Variants in PPP2R2C observed in about 807,000 individuals in gnomAD.
The protein encoded by PPP2R2C is protein phosphatase 2, regulatory subunit B, gamma.
A neutral mutation model predicts 45.3 loss-of-function variants in PPP2R2C; 10 were observed. The observed-to-expected ratio is 0.22, with a 90% CI of 0.14 to 0.37. The LOEUF (loss-of-function observed/expected upper bound fraction) is 0.37. Ranked by LOEUF, PPP2R2C falls within the 10% of genes least tolerant of loss-of-function variation. PPP2R2C has a pLI of 1.00. For synonymous variants in PPP2R2C, 257 were observed against 245.4 expected (o/e 1.05, Z -0.44); for missense variants, 308 against 619.7 (o/e 0.50, Z 5.34).
At chr4:6,336,729 T>TTCCC (rs1560453611) in intron 6 of PPP2R2C, among the ~76,000 whole-genome samples, 1 of 2,322 alleles carries the variant, frequency 4.3e-4, no homozygotes, top group African/African-American at 2.8e-3. Flanking sequence ...CCCTCCCTCC[T>TTCCC]TCCCTCCCTC....
In PPP2R2C at chr4:6,368,964, T is replaced by C. The variant is rs1255914630; in HGVS notation, c.625+3559A>G. Among the ~76,000 whole-genome samples the C allele has an allele frequency of 6.6e-6, 1 of 152,132 alleles. No individual in the cohort carries two copies. The highest frequency in any genetic ancestry group is 1.5e-5 in the Non-Finnish European group (1 of 68,026). On this transcript the variant is annotated intron_variant, in intron 5 of 8. Coordinates refer to ENST00000382599, the MANE Select transcript of PPP2R2C (RefSeq NM_020416.4). This position sits in a 1 kb window ranked among gnomAD's most constrained non-coding sequence, Gnocchi z 4.2. The stretch of plus-strand genomic sequence containing the variant: ...GTCGGCACAGCCTCCAGTAATGTAA[T>C]ATAGATGCAGACGGGGAGACAGGAT...
At chr4:6,496,417 A>G (rs1209761646) in intron 2 of PPP2R2C, among the ~76,000 whole-genome samples, 1 of 152,184 alleles carries the variant, frequency 6.6e-6, no homozygotes, top group East Asian at 1.9e-4. Context: ...CTTTGCTTGG[A>G]CACCCATCCT....
intron 2 of PPP2R2C, among the ~76,000 whole-genome samples, chr4:6,532,998 G>T (rs758924386): frequency 1.3e-4 from 20 of 152,224 alleles, no homozygotes; most frequent in Non-Finnish European, 2.6e-4. Flanking sequence ...TGAAGCCCAC[G>T]CTCTGCCCTC....
Position 6,349,383 on chromosome 4 carries a change from T to C in PPP2R2C, c.626-1373A>G, listed in dbSNP as rs79938852. The C allele has an allele frequency of 1.5e-3, 1,471 of 971,254 alleles. 12 individuals are homozygous for C. In the African/African-American group the frequency reaches 0.023, roughly 15 times the overall value. The allele number at this position is 971,254 out of a possible 1,614,324, so 60.2% of individuals were successfully genotyped here. A position where few individuals can be genotyped will look rare whatever the true frequency, so the allele number is the denominator to read the frequency against. ...TCATCTGTAAAATGAGTCAGCAGTA[T>C]AGCCTTATCACTTCGCTGTGAAGAT... is the stretch of plus-strand genomic sequence containing the variant. On this transcript the variant is annotated intron_variant, in intron 5 of 8. Transcript: ENST00000382599.
intron 6 of PPP2R2C, among the ~76,000 whole-genome samples, chr4:6,346,625 G>A (rs879381117): frequency 1.2e-4 from 18 of 152,200 alleles, no homozygotes; most frequent in Admixed American, 4.6e-4. Context: ...CGTGACACAC[G>A]GAGCGTGGAC....
At position 6,438,909 on chromosome 4, in the gene PPP2R2C, G is replaced by C. The variant is rs368925953; in HGVS notation, c.70+33251C>G. Among the ~76,000 whole-genome samples the C allele has an allele frequency of 7.7e-4, 118 of 152,258 alleles. 2 individuals are homozygous for C. In the South Asian group the frequency reaches 0.024, roughly 31 times the overall value. On this transcript the variant is annotated intron_variant, in intron 1 of 8. Transcript: ENST00000382599. Reference sequence around the variant, plus strand: ...ATCCAGGTGTTCCCTGACACAGTGCGGGCACAGAGCAGGAGACAGAGCATG... The same window carrying C: ...ATCCAGGTGTTCCCTGACACAGTGCCGGCACAGAGCAGGAGACAGAGCATG...
intron 2 of PPP2R2C, among the ~76,000 whole-genome samples, chr4:6,379,595 C>T (rs1412277559): frequency 1.3e-5 from 2 of 152,322 alleles, no homozygotes; most frequent in African/African-American, 2.4e-5. Context: ...TCAACCAATC[C>T]GATCTCTTTC....
intron 2 of PPP2R2C, among the ~76,000 whole-genome samples, chr4:6,487,398 T>TAGTTATGA (rs1321605380): frequency 6.6e-6 from 1 of 151,984 alleles, no homozygotes; most frequent in African/African-American, 2.4e-5. Flanking sequence ...ACAGGCCTGC[T>TAGTTATGA]AGTTATGAAT....
At position 6,497,960 on chromosome 4, in the gene PPP2R2C, C is replaced by T. The variant is rs947767930; in HGVS notation, c.49+37311G>A. 1.3e-4 allele frequency among the ~76,000 whole-genome samples: 20 copies of T among 152,170 alleles called. 1 individual carries two copies. The highest frequency in any genetic ancestry group is 3.6e-4 in the African/African-American group (15 of 41,442). On this transcript the variant is annotated intron_variant, in intron 2 of 9. Transcript: ENST00000506140. Reference sequence around the variant, plus strand: ...CAGATTGGCAAAATCTAAAAGCCTGCGAATGTGGAGAGCTGGCGAGGACTT... The same window carrying T: ...CAGATTGGCAAAATCTAAAAGCCTGTGAATGTGGAGAGCTGGCGAGGACTT...
chr4:6,480,111 G>A (rs1383550638), intron 2 of PPP2R2C, among the ~76,000 whole-genome samples: 10 of 151,798 alleles, frequency 6.6e-5, no homozygotes, highest in African/African-American at 2.4e-4. Flanking sequence ...TCTTTCCAGA[G>A]GCAAACACTA....
chr4:6,491,404 G>A (rs779202361), intron 2 of PPP2R2C, among the ~76,000 whole-genome samples: 5 of 152,300 alleles, frequency 3.3e-5, no homozygotes, highest in East Asian at 1.9e-4. Flanking sequence ...GTAGGGTGGT[G>A]GAACCAGTCC....
chr4:6,535,220 G>C (rs954122434), intron 2 of PPP2R2C: 1 of 1,525,458 alleles, frequency 6.6e-7, no homozygotes, highest in Non-Finnish European at 8.8e-7. Context: ...CACAGCCCAC[G>C]TCCCCAAGCT....
chr4:6,539,441 A>G (rs952888295), intron 1 of PPP2R2C, among the ~76,000 whole-genome samples: 1 of 152,236 alleles, frequency 6.6e-6, no homozygotes, highest in Non-Finnish European at 1.5e-5. Flanking sequence ...TGGCGGCCAC[A>G]GGGCACTCAC....
At chr4:6,562,145 C>T (rs1045903878) in intron 1 of PPP2R2C, among the ~76,000 whole-genome samples, 7 of 152,156 alleles carry the variant, frequency 4.6e-5, no homozygotes, top group African/African-American at 1.4e-4. Flanking sequence ...CATGAGCAGG[C>T]GACCAGGGCG....
chr4:6,326,382 G>T (rs573950101), intron 8 of PPP2R2C, among the ~76,000 whole-genome samples: 1 of 152,186 alleles, frequency 6.6e-6, no homozygotes, highest in Non-Finnish European at 1.5e-5. Flanking sequence ...CAGAGCAAGT[G>T]TAGGTGTGTT....
At chr4:6,351,222 G>A (rs1462267645) in intron 5 of PPP2R2C, 4 of 471,220 alleles carry the variant, frequency 8.5e-6, no homozygotes, top group Non-Finnish European at 1.1e-5. Flanking sequence ...GCTGAGGCAG[G>A]AGAATCGCTT....
intron 6 of PPP2R2C, among the ~76,000 whole-genome samples, chr4:6,344,056 G>A (rs1711581920): frequency 6.6e-6 from 1 of 152,238 alleles, no homozygotes; most frequent in Admixed American, 6.5e-5. Context: ...GAGTCACTGA[G>A]CACAGCCAAC....
chr4:6,517,449 A>C (rs1302458597), intron 2 of PPP2R2C, among the ~76,000 whole-genome samples: 1 of 152,114 alleles, frequency 6.6e-6, no homozygotes, highest in African/African-American at 2.4e-5. Flanking sequence ...TACTTCCCAG[A>C]AGCCACATGA....
intron 6 of PPP2R2C, among the ~76,000 whole-genome samples, chr4:6,336,348 T>C (rs1343326965): frequency 1.3e-5 from 2 of 151,886 alleles, no homozygotes; most frequent in Admixed American, 6.5e-5. Flanking sequence ...ATCAGCACCA[T>C]GGGAAGGAAG....
Sources: allele counts gnomAD v4.1 joint callset (sites outside exome capture counted in the v4.1 genomes callset), GRCh38; gene constraint gnomAD v4.1.1; non-coding constraint Gnocchi (gnomAD v3.1); transcripts MANE v1.5; gene names NCBI Gene and HGNC (gene_info 2026-07-23, HGNC 2026-07-21).